The following MGAT5 variants were observed in gnomAD, a reference collection of about 807,000 sequenced individuals.
MGAT5 encodes alpha-1,6-mannosylglycoprotein 6-beta-N-acetylglucosaminyltransferase, also known as alpha-1,6-mannosylglycoprotein 6-beta-N-acetylglucosaminyltransferase A.
Under a neutral mutation model 94.3 loss-of-function variants are expected in MGAT5, and 30 were observed. The observed-to-expected ratio is 0.32, with a 90% CI of 0.24 to 0.43. MGAT5 has a LOEUF of 0.43. Among genes scored for constraint, MGAT5 ranks in the 20% least tolerant of loss-of-function variants. MGAT5 has a pLI of 1.00. For missense variants in MGAT5, 691 were observed against 905.5 expected (o/e 0.76, Z 3.04); for synonymous variants, 310 against 322.9 (o/e 0.96, Z 0.43).
In MGAT5 at chr2:134,381,379, A is replaced by AG. The variant is rs60953543; in HGVS notation, c.1380+18972dup. On this transcript the variant is annotated intron_variant, in intron 10 of 15. Transcript: ENST00000281923. ...GATAGATAGATAGATAAGATAAGAT[A>AG]GATTAGATAGATAGATAGATAGATA... 8.7e-4 allele frequency among the ~76,000 whole-genome samples: 64 copies of AG among 73,160 alleles called. No individual in the cohort carries two copies. In the South Asian group the frequency reaches 9.3e-3, roughly 11 times the overall value. The allele number at this position is 73,160 out of a possible 152,430, so 48.0% of individuals were successfully genotyped here.
chr2:134,433,026 ACT>A (rs1491066287), intron 14 of MGAT5, among the ~76,000 whole-genome samples: 1 of 151,664 alleles, frequency 6.6e-6, no homozygotes, highest in African/African-American at 2.4e-5. Context: ...CTACCACCAC[ACT>A]CTAGTTTTGC....
intron 14 of MGAT5, among the ~76,000 whole-genome samples, chr2:134,435,612 G>A (rs1030611342): frequency 1.3e-5 from 2 of 152,132 alleles, no homozygotes; most frequent in Admixed American, 1.3e-4. Context: ...TCACACTCCA[G>A]GGACTAGATT....
At chr2:134,291,024 G>C (rs547109782) in intron 2 of MGAT5, among the ~76,000 whole-genome samples, 1 of 152,128 alleles carries the variant, frequency 6.6e-6, no homozygotes, top group African/African-American at 2.4e-5. Flanking sequence ...AAGGAGACTG[G>C]CCATAGACAG....
At chr2:134,435,286 G>A (rs770461260) in intron 14 of MGAT5, among the ~76,000 whole-genome samples, 3 of 152,122 alleles carry the variant, frequency 2.0e-5, no homozygotes, top group East Asian at 1.9e-4. Flanking sequence ...ACCCAGAAGC[G>A]CCTGCTCCCC....
intron 1 of MGAT5, among the ~76,000 whole-genome samples, chr2:134,183,863 C>T (rs1688870497): frequency 6.6e-6 from 1 of 152,180 alleles, no homozygotes; most frequent in Admixed American, 6.5e-5. Flanking sequence ...GGGCAGCAGG[C>T]CATGCGGGAC....
At chr2:134,302,659 G>A (rs536712487) in intron 2 of MGAT5, among the ~76,000 whole-genome samples, 2 of 150,838 alleles carry the variant, frequency 1.3e-5, no homozygotes, top group Admixed American at 6.6e-5. Flanking sequence ...ATTTTTCAAA[G>A]ACATAAATAT....
intron 1 of MGAT5, among the ~76,000 whole-genome samples, chr2:134,167,117 AG>A (rs1358199322): frequency 6.6e-6 from 1 of 152,224 alleles, no homozygotes; most frequent in Non-Finnish European, 1.5e-5. Flanking sequence ...AGGTTGATAA[AG>A]GACAAGCTTT....
At chr2:134,160,587 G>C (rs72843947) in intron 1 of MGAT5, among the ~76,000 whole-genome samples, 2,842 of 152,280 alleles carry the variant, frequency 0.019, 29 homozygotes, top group Non-Finnish European at 0.026. Flanking sequence ...GAACACATCT[G>C]GTCCTCCACT....
intron 1 of MGAT5, among the ~76,000 whole-genome samples, chr2:134,246,764 A>T (rs766152144): frequency 1.1e-4 from 17 of 152,166 alleles, no homozygotes; most frequent in Admixed American, 4.6e-4. Flanking sequence ...TTAGGCAGGA[A>T]TTGGGGTGCT....
chr2:134,303,609 T>G (rs1161245499), intron 2 of MGAT5, among the ~76,000 whole-genome samples: 2 of 152,154 alleles, frequency 1.3e-5, no homozygotes, highest in Non-Finnish European at 2.9e-5. Context: ...TTTGACTTTT[T>G]GGGGTTTAAA....
At chr2:134,129,634 A>C (rs575093421) in intron 1 of MGAT5, among the ~76,000 whole-genome samples, 14 of 152,222 alleles carry the variant, frequency 9.2e-5, no homozygotes, top group African/African-American at 3.1e-4. Flanking sequence ...TTGGTATTTA[A>C]ATAAGGTTTG....
At chr2:134,363,905 G>A (rs1348869677) in intron 10 of MGAT5, among the ~76,000 whole-genome samples, 2 of 152,198 alleles carry the variant, frequency 1.3e-5, no homozygotes, top group Admixed American at 6.5e-5. Flanking sequence ...CATATTGGGT[G>A]TTCTCATGCT....
chr2:134,361,652 T>G (rs1680105516), intron 9 of MGAT5, among the ~76,000 whole-genome samples: 1 of 152,214 alleles, frequency 6.6e-6, no homozygotes, highest in South Asian at 2.1e-4. Flanking sequence ...GTTGGATTTT[T>G]TTGAGTGGTT....
chr2:134,214,492 GTT>G (rs1476823368), intron 1 of MGAT5, among the ~76,000 whole-genome samples: 1 of 152,002 alleles, frequency 6.6e-6, no homozygotes, highest in Non-Finnish European at 1.5e-5. Context: ...TTTTAAGAAA[GTT>G]TATCAGTTTG....
At chr2:134,120,665 G>A (rs1307873386) in intron 1 of MGAT5, among the ~76,000 whole-genome samples, 2 of 151,950 alleles carry the variant, frequency 1.3e-5, no homozygotes, top group Admixed American at 6.5e-5. Flanking sequence ...GGCGGGGGAT[G>A]GCAGATGGGC....
intron 8 of MGAT5, among the ~76,000 whole-genome samples, chr2:134,347,969 C>T (rs1452770873): frequency 6.6e-6 from 1 of 152,158 alleles, no homozygotes; most frequent in African/African-American, 2.4e-5. Flanking sequence ...GTGGAGCATT[C>T]CCCAGCCCCA....
At chr2:134,145,232 G>GTGTGTC (rs1686864869) in intron 1 of MGAT5, among the ~76,000 whole-genome samples, 1 of 152,030 alleles carries the variant, frequency 6.6e-6, no homozygotes, top group African/African-American at 2.4e-5. Context: ...GTGTGTGTGT[G>GTGTGTC]TGTGTGTGTG....
intron 1 of MGAT5, among the ~76,000 whole-genome samples, chr2:134,169,433 C>T (rs929038534): frequency 2.9e-4 from 44 of 151,242 alleles, no homozygotes; most frequent in African/African-American, 1.1e-3. Context: ...CACACACACA[C>T]ACACACATAT....
intron 10 of MGAT5, among the ~76,000 whole-genome samples, chr2:134,375,781 G>T (rs556746188): frequency 2.0e-4 from 31 of 152,292 alleles, no homozygotes; most frequent in African/African-American, 7.0e-4. Context: ...TCCACATGTG[G>T]GTTGGGGGGA....
Sources: gnomAD v4.1 joint callset for allele counts (sites outside exome capture counted in the v4.1 genomes callset) on GRCh38, gnomAD v4.1.1 for gene constraint, MANE v1.5 for transcripts, NCBI Gene and HGNC (gene_info 2026-07-23, HGNC 2026-07-21) for gene names.